The following SUGCT variants were observed in gnomAD, a reference collection of about 807,000 sequenced individuals.
SUGCT encodes the protein succinyl-CoA:glutarate CoA-transferase.
In SUGCT, 41 loss-of-function variants were observed where a neutral mutation model predicts 55.0. The observed-to-expected ratio is 0.74, with a 90% CI of 0.58 to 0.97. The LOEUF (loss-of-function observed/expected upper bound fraction) is 0.97, where lower values mean the gene tolerates loss of function less well. Among genes scored for constraint, SUGCT ranks in the 50% least tolerant of loss-of-function variants. The pLI is 0.00. For missense variants in SUGCT, 568 were observed against 547.8 expected (o/e 1.04, Z -0.37); for synonymous variants, 187 against 200.4 (o/e 0.93, Z 0.56).
At chr7:40,838,935 T>C (rs1793133971) in intron 13 of SUGCT, among the ~76,000 whole-genome samples, 1 of 148,318 alleles carries the variant, frequency 6.7e-6, no homozygotes, top group South Asian at 2.2e-4. Flanking sequence ...TATTCTTCCT[T>C]TGGTGAGAGT....
At chr7:41,000,858 G>A in the SUGCT span, among the ~76,000 whole-genome samples, 1 of 152,152 alleles carries the variant, frequency 6.6e-6, no homozygotes, top group Non-Finnish European at 1.5e-5. Context: ...TTAAGGTTAA[G>A]GAAGTCATCA....
At chr7:40,140,315 ATGT>A (rs1189843120) in intron 1 of SUGCT, among the ~76,000 whole-genome samples, 2 of 152,178 alleles carry the variant, frequency 1.3e-5, no homozygotes, top group African/African-American at 4.8e-5. Flanking sequence ...TCCCCAGTAA[ATGT>A]TGTCGACTTT....
chr7:40,383,022 G>T (rs922381774), intron 9 of SUGCT, among the ~76,000 whole-genome samples: 1 of 152,138 alleles, frequency 6.6e-6, no homozygotes, highest in Admixed American at 6.6e-5. Flanking sequence ...AATAGAAATT[G>T]TAAGTATGAC....
chr7:40,300,321 C>T (rs571010821), intron 8 of SUGCT, among the ~76,000 whole-genome samples: 1 of 152,192 alleles, frequency 6.6e-6, no homozygotes, highest in South Asian at 2.1e-4. Flanking sequence ...GGTCTCAGGC[C>T]TGTTGAATCA....
chr7:40,607,605 A>G (rs1798590770), intron 12 of SUGCT, among the ~76,000 whole-genome samples: 1 of 152,232 alleles, frequency 6.6e-6, no homozygotes, highest in Non-Finnish European at 1.5e-5. Flanking sequence ...GTAAACATGT[A>G]TTGAGCTCTT....
the SUGCT span, among the ~76,000 whole-genome samples, chr7:40,960,046 G>C: frequency 0.082 from 12,469 of 152,022 alleles, 564 homozygotes; most frequent in African/African-American, 0.1. Flanking sequence ...AGGTACCTCA[G>C]TTGGAAATGC....
At chr7:40,139,148 A>AATCAATC (rs1562788560) in intron 1 of SUGCT, among the ~76,000 whole-genome samples, 1 of 148,298 alleles carries the variant, frequency 6.7e-6, no homozygotes, top group African/African-American at 2.6e-5. Context: ...ATAAATAAAT[A>AATCAATC]AATAAATAAA....
At chr7:40,403,584 AG>A (rs1435451302) in intron 9 of SUGCT, among the ~76,000 whole-genome samples, 1 of 152,204 alleles carries the variant, frequency 6.6e-6, no homozygotes, top group Non-Finnish European at 1.5e-5. Context: ...ATAAAATGGG[AG>A]GGGCCATTTG....
chr7:40,198,631 C>T (rs944128699), intron 6 of SUGCT, among the ~76,000 whole-genome samples: 1 of 142,696 alleles, frequency 7.0e-6, no homozygotes. Context: ...GAGGCCGAGG[C>T]GGGCGGATCA....
intron 12 of SUGCT, among the ~76,000 whole-genome samples, chr7:40,732,613 A>G (rs1020669159): frequency 6.6e-6 from 1 of 152,300 alleles, no homozygotes; most frequent in South Asian, 2.1e-4. Flanking sequence ...GTCAGGCCCA[A>G]AAGATAAAGC....
intron 9 of SUGCT, among the ~76,000 whole-genome samples, chr7:40,415,268 C>CAAA (rs35619419): frequency 2.3e-4 from 25 of 107,786 alleles, no homozygotes; most frequent in Middle Eastern, 5.1e-3. Context: ...GACTCCATCT[C>CAAA]AAAAAAAAAA....
chr7:40,517,830 C>T (rs984380990), intron 12 of SUGCT, among the ~76,000 whole-genome samples: 13 of 152,028 alleles, frequency 8.6e-5, no homozygotes, highest in African/African-American at 2.9e-4. Context: ...CTGGAAGTTG[C>T]CACCCCTTCT....
chr7:40,819,273 A>C (rs950812737), intron 13 of SUGCT, among the ~76,000 whole-genome samples: 2 of 152,158 alleles, frequency 1.3e-5, no homozygotes, highest in African/African-American at 4.8e-5. Context: ...GTATATACCC[A>C]GTAATGGTTT....
chr7:40,898,062 C>T, the SUGCT span, among the ~76,000 whole-genome samples: 19 of 152,148 alleles, frequency 1.2e-4, no homozygotes, highest in African/African-American at 4.3e-4. Context: ...CTGCTTATTC[C>T]TTGGGTCCAC....
At chr7:40,216,887 A>G (rs1188771833) in intron 6 of SUGCT, among the ~76,000 whole-genome samples, 1 of 151,680 alleles carries the variant, frequency 6.6e-6, no homozygotes, top group Non-Finnish European at 1.5e-5. Context: ...GTTGTAATTT[A>G]TTAATACCCT....
chr7:40,899,191 C>T, the SUGCT span, among the ~76,000 whole-genome samples: 1 of 152,174 alleles, frequency 6.6e-6, no homozygotes, highest in Admixed American at 6.5e-5. Context: ...CAGCTCTTGA[C>T]CTTTCTGAGA....
chr7:40,946,239 G>C, the SUGCT span, among the ~76,000 whole-genome samples: 1 of 152,024 alleles, frequency 6.6e-6, no homozygotes, highest in Admixed American at 6.6e-5. Context: ...AAGTACTCTG[G>C]TGTCTCAGGC....
At chr7:40,564,371 C>T (rs12533968) in intron 12 of SUGCT, among the ~76,000 whole-genome samples, 73,773 of 152,008 alleles carry the variant, frequency 0.49, 20,727 homozygotes, top group South Asian at 0.71. Context: ...GGCGACAGAG[C>T]GAGACTCCGT....
chr7:40,282,411 T>C (rs1439209671), intron 8 of SUGCT, among the ~76,000 whole-genome samples: 1 of 151,904 alleles, frequency 6.6e-6, no homozygotes, highest in African/African-American at 2.4e-5. Context: ...GAGGTTGCAG[T>C]GAGCTGAGGT....
Sources: gnomAD v4.1 joint callset for allele counts (sites outside exome capture counted in the v4.1 genomes callset) on GRCh38, gnomAD v4.1.1 for gene constraint, MANE v1.5 for transcripts, NCBI Gene and HGNC (gene_info 2026-07-23, HGNC 2026-07-21) for gene names.